Variants in CRIM1 observed in about 807,000 individuals in gnomAD.
CRIM1 encodes the protein cysteine-rich motor neuron 1 protein.
A neutral mutation model predicts 116.4 loss-of-function variants in CRIM1; 32 were observed. The observed-to-expected ratio is 0.27, with a 90% CI of 0.21 to 0.37. The LOEUF is 0.37. CRIM1 is among the 10% of genes least tolerant of loss of function. CRIM1 has a pLI of 1.00. For synonymous variants in CRIM1, 590 were observed against 509.2 expected (o/e 1.16, Z -2.13); for missense variants, 1,331 against 1,354.8 (o/e 0.98, Z 0.28).
chr2:36,531,674 T>G (rs1471753329), intron 13 of CRIM1: 2 of 291,800 alleles, frequency 6.9e-6, no homozygotes, highest in Admixed American at 4.7e-5. Flanking sequence ...TTTAAACAGT[T>G]GAAGAAGTTA....
Position 36,517,483 on chromosome 2 carries a change from C to T in CRIM1, c.2147C>T (p.Pro716Leu), listed in dbSNP as rs777835987. Residue 716 changes from proline to leucine, a missense_variant, in exon 12 of 17, where the codon CCA (proline) becomes CTA (leucine). Pro to Leu is a moderately conservative substitution (Grantham distance 98, BLOSUM62 -3). Coordinates refer to ENST00000280527, the MANE Select transcript of CRIM1 (RefSeq NM_016441.3). ...GRVLCETEVC[P>L]PLLCQNPSRT... ...GTGCTGTGTGAGACAGAGGTGTGCC[C>T]ACCGCTGCTCTGCCAGAACCCCTCA... The T allele has an allele frequency of 8.1e-6, 13 of 1,614,082 alleles. No individual in the cohort carries two copies. Among genetic ancestry groups the T allele is most frequent in the Non-Finnish European group, 1.1e-5 (13 of 1,180,022 alleles).
intron 8 of CRIM1, among the ~76,000 whole-genome samples, chr2:36,504,064 AG>A (rs1681211637): frequency 6.6e-6 from 1 of 151,938 alleles, no homozygotes; most frequent in Admixed American, 6.6e-5. Context: ...TGTAGAGACA[AG>A]GTTTTGCCAC....
chr2:36,401,500 A>G (rs1672400499), intron 2 of CRIM1, among the ~76,000 whole-genome samples: 1 of 152,212 alleles, frequency 6.6e-6, no homozygotes, highest in African/African-American at 2.4e-5. Flanking sequence ...CAAAAGTTAA[A>G]TTAGTGCACC....
At chr2:36,449,256 G>A (rs1027489388) in intron 4 of CRIM1, among the ~76,000 whole-genome samples, 3 of 152,134 alleles carry the variant, frequency 2.0e-5, no homozygotes, top group Non-Finnish European at 4.4e-5. Context: ...CATAGAGGGA[G>A]CATTGTGGAG....
Position 36,476,895 on chromosome 2 carries a change from A to T in CRIM1, c.998A>T (p.Lys333Met), listed in dbSNP as rs1679015731. ...TTGTTTTAACTCTTTTCAGATACAA[A>T]GCCAGCCTGCGTATTTAACAATGTG... ...CDVFECVNDTKPACVFNNVEY... is the reference protein window; with the variant it reads ...CDVFECVNDTMPACVFNNVEY... The change falls in exon 6 of 17, where the codon AAG (lysine) becomes ATG (methionine). Residue 333 changes from lysine (K) to methionine (M), a missense_variant. By Grantham distance (95) the Lys-to-Met change is moderately conservative. This residue lies in a region of CRIM1 where 690 missense variants were observed against 676.0 expected (regional missense o/e 1.02). Coordinates refer to ENST00000280527, the MANE Select transcript of CRIM1 (RefSeq NM_016441.3). The T allele has an allele frequency of 6.2e-7, 1 of 1,611,282 alleles. No homozygotes were observed. The highest frequency in any genetic ancestry group is 8.5e-7 in the Non-Finnish European group (1 of 1,178,628).
intron 2 of CRIM1, among the ~76,000 whole-genome samples, chr2:36,427,673 G>A (rs1674564413): frequency 6.6e-6 from 1 of 152,226 alleles, no homozygotes; most frequent in Non-Finnish European, 1.5e-5. Context: ...GACTGCCAGA[G>A]GTCTAAACTT....
At chr2:36,520,503 C>G (rs1572917606) in intron 12 of CRIM1, among the ~76,000 whole-genome samples, 1 of 152,318 alleles carries the variant, frequency 6.6e-6, no homozygotes, top group Non-Finnish European at 1.5e-5. Flanking sequence ...AGAAAGTCAT[C>G]CCATCTTACT....
intron 7 of CRIM1, among the ~76,000 whole-genome samples, chr2:36,497,249 C>T (rs2125081281): frequency 6.6e-6 from 1 of 152,300 alleles, no homozygotes; most frequent in Non-Finnish European, 1.5e-5. Context: ...CAGAATTCTT[C>T]CCTCAACTTT....
chr2:36,356,305 GC>G lies in CRIM1; in HGVS notation c.14del (p.Ala5GlyfsTer131). Reference sequence around the variant, plus strand: ...GCGGCGCAGGAGGATGTACTTGGTGGCGGGGGACAGGGGGTTGGCCGGCTGC... The same window carrying G: ...GCGGCGCAGGAGGATGTACTTGGTGGGGGGGACAGGGGGTTGGCCGGCTGC... MYLV[A>X]GDRGLAGCGH... On this transcript the variant is annotated frameshift_variant, in exon 1 of 17. Transcript: ENST00000280527. LOFTEE classifies it high-confidence loss of function. The surrounding 1 kb of genome is among the most constrained non-coding windows in gnomAD (Gnocchi z 4.3). The G allele has an allele frequency of 6.5e-7, 1 of 1,538,996 alleles. No homozygotes were observed.
At chr2:36,495,307 G>A (rs566564014) in intron 7 of CRIM1, among the ~76,000 whole-genome samples, 7 of 152,040 alleles carry the variant, frequency 4.6e-5, no homozygotes, top group African/African-American at 9.7e-5. Context: ...ACCAAAATCC[G>A]ACAGGCAATT....
chr2:36,477,339 C>T (rs1022620477), intron 6 of CRIM1, among the ~76,000 whole-genome samples: 3 of 152,146 alleles, frequency 2.0e-5, no homozygotes, highest in Admixed American at 2.0e-4. Flanking sequence ...AGTTGTTTTC[C>T]GTTCCTCCCC....
At chr2:36,426,623 G>A (rs1674467931) in intron 2 of CRIM1, among the ~76,000 whole-genome samples, 1 of 152,074 alleles carries the variant, frequency 6.6e-6, no homozygotes, top group Admixed American at 6.5e-5. Flanking sequence ...AGGGACAAAA[G>A]GTGGCTTCTT....
At chr2:36,397,861 C>G (rs1484080421) in intron 2 of CRIM1, among the ~76,000 whole-genome samples, 1 of 152,092 alleles carries the variant, frequency 6.6e-6, no homozygotes, top group Non-Finnish European at 1.5e-5. Context: ...GCAGAGGATC[C>G]TAGAGAACAT....
intron 7 of CRIM1, among the ~76,000 whole-genome samples, chr2:36,494,926 C>A (rs2125075954): frequency 6.6e-6 from 1 of 152,132 alleles, no homozygotes; most frequent in East Asian, 1.9e-4. Flanking sequence ...AACAGTACTT[C>A]ACTGAATTTC....
At chr2:36,537,653 G>A (rs1666645520) in intron 14 of CRIM1, 107 bp downstream of exon 14, 14 of 1,271,228 alleles carry the variant, frequency 1.1e-5, no homozygotes, top group Admixed American at 1.1e-4. Context: ...CACGGCCCAA[G>A]TAGCGTGTCA....
At chr2:36,520,320 A>G (rs779279902) in intron 12 of CRIM1, among the ~76,000 whole-genome samples, 24 of 152,202 alleles carry the variant, frequency 1.6e-4, no homozygotes, top group Non-Finnish European at 2.1e-4. Context: ...AGGTTGGGCA[A>G]TGCTTGCATG....
At chr2:36,435,645 G>T (rs1045759821) in intron 2 of CRIM1, among the ~76,000 whole-genome samples, 2 of 149,028 alleles carry the variant, frequency 1.3e-5, no homozygotes, top group Non-Finnish European at 3.0e-5. Context: ...ACTTTCAATG[G>T]CAAAAACAGC....
At position 36,537,947 on chromosome 2, in the gene CRIM1, A is replaced by G. The variant is rs114066697; in HGVS notation, c.2623+401A>G. ...TACACTGTGAAAATATATTAGAACCAAAGTGGAAGACCTGCATTTAAAGAA... is the reference window on the plus strand; with the variant it reads ...TACACTGTGAAAATATATTAGAACCGAAGTGGAAGACCTGCATTTAAAGAA... On this transcript the variant is annotated intron_variant, in intron 14 of 16. Transcript: ENST00000280527. Among the ~76,000 whole-genome samples the G allele has an allele frequency of 3.7e-3, 561 of 152,328 alleles. 4 individuals are homozygous for G. The highest frequency in any genetic ancestry group is 0.013 in the African/African-American group (537 of 41,562).
At position 36,521,950 on chromosome 2, in the gene CRIM1, A is replaced by G. The variant is rs949708121; in HGVS notation, c.2207-142A>G. 9.0e-6 allele frequency: 6 copies of G among 663,318 alleles called. No individual in the cohort carries two copies. The Admixed American group carries it at 1.3e-4, about 14-fold the overall frequency. 41.1% of individuals were successfully genotyped at this position (663,318 alleles called of 1,614,324 possible). A position where few individuals can be genotyped will look rare whatever the true frequency, so the allele number is the denominator to read the frequency against. On this transcript the variant is annotated intron_variant, in intron 12 of 16. Coordinates refer to ENST00000280527, the MANE Select transcript of CRIM1 (RefSeq NM_016441.3). ...AAAAATTTAAGACCCTTCCCGAATCATACTTTCTGATTTGTTACTGCGTCA... is the reference window on the plus strand; with the variant it reads ...AAAAATTTAAGACCCTTCCCGAATCGTACTTTCTGATTTGTTACTGCGTCA...
Sources: gnomAD v4.1 joint callset for allele counts (sites outside exome capture counted in the v4.1 genomes callset) on GRCh38, gnomAD v4.1.1 for gene constraint, gnomAD v4.1.1 regional missense constraint, Gnocchi (gnomAD v3.1) non-coding constraint, MANE v1.5 for transcripts, NCBI Gene and HGNC (gene_info 2026-07-23, HGNC 2026-07-21) for gene names.